Variants in PCDH9 observed in about 807,000 individuals in gnomAD.
The protein encoded by PCDH9 is protocadherin 9, also known as protocadherin-9.
A neutral mutation model predicts 70.6 loss-of-function variants in PCDH9; 24 were observed. The ratio of observed to expected loss-of-function variants is 0.34; its 90% confidence interval spans 0.25 to 0.48. The LOEUF (loss-of-function observed/expected upper bound fraction) is 0.48. PCDH9 is among the 20% of genes least tolerant of loss of function. PCDH9 has a pLI of 0.99. For synonymous variants in PCDH9, 562 were observed against 558.5 expected (o/e 1.01, Z -0.09); for missense variants, 1,281 against 1,503.6 (o/e 0.85, Z 2.45).
intron 3 of PCDH9, among the ~76,000 whole-genome samples, chr13:66,886,933 C>T (rs1026465181): frequency 1.3e-5 from 2 of 151,574 alleles, no homozygotes; most frequent in Non-Finnish European, 2.9e-5. Context: ...TTAACACAGC[C>T]TTGAGGTAAC....
intron 4 of PCDH9, among the ~76,000 whole-genome samples, chr13:66,596,163 T>C (rs937651709): frequency 4.0e-5 from 6 of 151,652 alleles, no homozygotes; most frequent in African/African-American, 1.4e-4. Context: ...TGAAAAATTG[T>C]CTTCCATGTT....
intron 3 of PCDH9, among the ~76,000 whole-genome samples, chr13:66,787,019 TA>T (rs1184296743): frequency 6.6e-6 from 1 of 152,190 alleles, no homozygotes; most frequent in Admixed American, 6.5e-5. Flanking sequence ...TCCAACATCT[TA>T]ACCAAGCTTC....
intron 2 of PCDH9, among the ~76,000 whole-genome samples, chr13:66,949,564 A>C (rs1316989627): frequency 2.0e-5 from 3 of 151,980 alleles, no homozygotes. Flanking sequence ...AACTAAAAAT[A>C]TCTCTCATGC....
chr13:67,149,404 G>A (rs2087603461), intron 2 of PCDH9, among the ~76,000 whole-genome samples: 1 of 152,004 alleles, frequency 6.6e-6, no homozygotes, highest in Non-Finnish European at 1.5e-5. Context: ...CTACTTTAAA[G>A]GTGTGATGAG....
chr13:66,338,060 A>C (rs760796382), intron 4 of PCDH9, among the ~76,000 whole-genome samples: 30 of 152,114 alleles, frequency 2.0e-4, no homozygotes, highest in Non-Finnish European at 3.4e-4. Context: ...GACTTTAGGA[A>C]GTTAATTAGG....
At chr13:67,055,715 C>A (rs2085406071) in intron 2 of PCDH9, among the ~76,000 whole-genome samples, 1 of 151,902 alleles carries the variant, frequency 6.6e-6, no homozygotes, top group African/African-American at 2.4e-5. Flanking sequence ...TGGCGGGATG[C>A]CATGAGCCCA....
At chr13:66,795,080 TATTTAACA>T (rs1480012871) in intron 3 of PCDH9, among the ~76,000 whole-genome samples, 2 of 152,048 alleles carry the variant, frequency 1.3e-5, no homozygotes, top group African/African-American at 4.8e-5. Flanking sequence ...CTTAAGAATT[TATTTAACA>T]TAATTTCACT....
chr13:66,412,386 C>A (rs1957385675), intron 4 of PCDH9, among the ~76,000 whole-genome samples: 1 of 152,126 alleles, frequency 6.6e-6, no homozygotes. Context: ...CAGAGTTGCA[C>A]TACATTAAGA....
rs549675327 is a variant in PCDH9 at position 66,382,465 on chromosome 13, C to G, written c.3341-77437G>C. ...CCTATTTGAAATAAGAAGGGAATTA[C>G]CAATTGCTATTGTCCTAGCTACTAA... On this transcript the variant is annotated intron_variant, in intron 4 of 4. Transcript: ENST00000377865. Among the ~76,000 whole-genome samples the G allele has an allele frequency of 3.0e-4, 46 of 151,410 alleles. 1 individual carries two copies. Among genetic ancestry groups the G allele is most frequent in the African/African-American group, 1.1e-3 (45 of 41,194 alleles).
chr13:67,210,889 T>A (rs1459304962), intron 2 of PCDH9: 1 of 152,002 alleles, frequency 6.6e-6, no homozygotes, highest in African/African-American at 2.4e-5. Context: ...TGAAACTACG[T>A]AAAAACACCA....
chr13:67,000,558 G>A (rs886886915), intron 2 of PCDH9, among the ~76,000 whole-genome samples: 2 of 151,620 alleles, frequency 1.3e-5, no homozygotes, highest in Non-Finnish European at 2.9e-5. Flanking sequence ...AAAGTTGGAG[G>A]ATACAAAATA....
chr13:66,589,293 G>A (rs572882763), intron 4 of PCDH9, among the ~76,000 whole-genome samples: 106 of 152,074 alleles, frequency 7.0e-4, no homozygotes, highest in African/African-American at 2.3e-3. Flanking sequence ...CTAGATAGAA[G>A]GAATTAATAC....
intron 4 of PCDH9, among the ~76,000 whole-genome samples, chr13:66,336,794 GTTGTT>G (rs1308563258): frequency 1.3e-5 from 2 of 151,740 alleles, no homozygotes; most frequent in Non-Finnish European, 2.9e-5. Context: ...CTATTTTTTG[GTTGTT>G]TTATCAACCT....
intron 2 of PCDH9, among the ~76,000 whole-genome samples, chr13:67,103,929 A>G (rs1454538873): frequency 1.3e-5 from 2 of 152,196 alleles, no homozygotes; most frequent in Non-Finnish European, 2.9e-5. Flanking sequence ...GTGAGAGTTC[A>G]GGGACCTTCA....
chr13:66,501,170 C>A (rs1045064100), intron 4 of PCDH9, among the ~76,000 whole-genome samples: 1 of 151,996 alleles, frequency 6.6e-6, no homozygotes, highest in East Asian at 1.9e-4. Context: ...ATAATAAATG[C>A]ACATCCTTAT....
At chr13:66,506,582 G>A (rs911008378) in intron 4 of PCDH9, among the ~76,000 whole-genome samples, 1 of 152,114 alleles carries the variant, frequency 6.6e-6, no homozygotes, top group Non-Finnish European at 1.5e-5. Context: ...GAGTGGGCTG[G>A]AGTCCATTTT....
chr13:66,563,260 G>A (rs1023037393), intron 4 of PCDH9, among the ~76,000 whole-genome samples: 1 of 152,092 alleles, frequency 6.6e-6, no homozygotes, highest in Admixed American at 6.5e-5. Context: ...CTATCAAGCT[G>A]TGAGACCAAA....
chr13:66,734,991 A>G (rs917136357), intron 3 of PCDH9, among the ~76,000 whole-genome samples: 22 of 152,214 alleles, frequency 1.4e-4, no homozygotes, highest in African/African-American at 5.3e-4. Flanking sequence ...CGACTAGAAC[A>G]GTATGTACAT....
chr13:66,520,010 T>C (rs1959917245), intron 4 of PCDH9, among the ~76,000 whole-genome samples: 1 of 152,120 alleles, frequency 6.6e-6, no homozygotes, highest in Non-Finnish European at 1.5e-5. Context: ...GCAATCCAAA[T>C]CGGTTCAGGA....
Sources: gnomAD v4.1 joint callset for allele counts (sites outside exome capture counted in the v4.1 genomes callset) on GRCh38, gnomAD v4.1.1 for gene constraint, MANE v1.5 for transcripts, NCBI Gene and HGNC (gene_info 2026-07-23, HGNC 2026-07-21) for gene names.